The following SLCO4A1 variants were observed in gnomAD, a reference collection of about 807,000 sequenced individuals.
SLCO4A1 encodes the protein colon organic anion transporter.
In SLCO4A1, 51 loss-of-function variants were observed where a neutral mutation model predicts 64.6. The ratio of observed to expected loss-of-function variants is 0.79; its 90% CI spans 0.63 to 1.00. The LOEUF is 1.00. SLCO4A1 is among the 50% of genes least tolerant of loss of function. The pLI, the probability that SLCO4A1 is intolerant of heterozygous loss-of-function variation, is 0.00. For synonymous variants in SLCO4A1, 471 were observed against 444.9 expected (o/e 1.06, Z -0.74); for missense variants, 919 against 980.5 (o/e 0.94, Z 0.84).
rs6090186 is a variant in SLCO4A1 at position 62,667,504 on chromosome 20, G to A, written c.1473-241G>A. 12 of 536,618 alleles carry A rather than the reference G, an allele frequency of 2.2e-5. No individual in the cohort carries two copies. In the East Asian group the frequency reaches 3.2e-4, roughly 14 times the overall value. The allele number at this position is 536,618 out of a possible 1,614,324, so 33.2% of individuals were successfully genotyped here. ...AACTAGGGAAAGGGGCTGTGCATCA[G>A]GCGGACGGTGCTGGGGGGCATGGGT... On this transcript the variant is annotated intron_variant, in intron 7 of 11. Transcript: ENST00000217159.
At chr20:62,667,583 C>T in intron 7 of SLCO4A1, 162 bp from the exon 8 acceptor site, 2 of 758,578 alleles carry the variant, frequency 2.6e-6, no homozygotes, top group East Asian at 2.6e-5. Context: ...AGGCAGTGCC[C>T]AGTGTGAGTG....
rs1390086575 is a variant in SLCO4A1, at chr20:62,668,197, C to T, written c.1811+13C>T. Reference sequence around the variant, plus strand: ...CGGCAACTCTACGGTAAGCTGGGGTCGGGTGTGCGCTTGTCCAGAGCTTTC... The same window carrying T: ...CGGCAACTCTACGGTAAGCTGGGGTTGGGTGTGCGCTTGTCCAGAGCTTTC... On this transcript the variant is annotated intron_variant, in intron 9 of 11. Coordinates refer to ENST00000217159, the MANE Select transcript of SLCO4A1 (RefSeq NM_016354.4). 1.1e-5 allele frequency: 18 copies of T among 1,613,312 alleles called. No individual in the cohort carries two copies. Among genetic ancestry groups the T allele is most frequent in the African/African-American group, 9.3e-5 (7 of 74,920 alleles).
At chr20:62,660,073 A>T (rs1271631296) in intron 3 of SLCO4A1, among the ~76,000 whole-genome samples, 1 of 149,694 alleles carries the variant, frequency 6.7e-6, no homozygotes, top group African/African-American at 2.6e-5. Flanking sequence ...GTGGGGAGGG[A>T]TGCCTCCTCC....
chr20:62,657,382 C>T (rs1983945454), intron 2 of SLCO4A1, 132 bp downstream of exon 2: 2 of 894,234 alleles, frequency 2.2e-6, no homozygotes, highest in South Asian at 3.6e-5. Flanking sequence ...CCTGGGGCTG[C>T]TGCAAGAGTT....
intron 9 of SLCO4A1, 47 bp downstream of exon 9, chr20:62,668,231 A>G (rs1569145949): frequency 1.9e-6 from 3 of 1,601,184 alleles, no homozygotes; most frequent in African/African-American, 1.3e-5. Flanking sequence ...TCCTTGCAGC[A>G]CCCTGAGGCG....
downstream of SLCO4A1, chr20:62,672,397 GA>G: frequency 1.7e-6 from 1 of 583,862 alleles, no homozygotes; most frequent in Non-Finnish European, 2.2e-6. Context: ...CCGTGGATAT[GA>G]AAAGTTGGCC....
downstream of SLCO4A1, among the ~76,000 whole-genome samples, chr20:62,676,249 T>A (rs1987587317): frequency 6.6e-6 from 1 of 151,690 alleles, no homozygotes; most frequent in African/African-American, 2.4e-5. Context: ...ACCCTGTCTC[T>A]GTAAAAAAAA....
chr20:62,642,811 G>A (rs557753973), intron 1 of SLCO4A1, among the ~76,000 whole-genome samples: 1 of 152,314 alleles, frequency 6.6e-6, no homozygotes, highest in East Asian at 1.9e-4. Context: ...CCCGCAGGAG[G>A]ACCGAGGCGA....
Position 62,685,184 on chromosome 20 carries a change from G to T in SLCO4A1, n.212-257G>T, listed in dbSNP as rs1341274742. Among the ~76,000 whole-genome samples the T allele has an allele frequency of 6.6e-6, 1 of 150,838 alleles. No homozygotes were observed. The highest frequency in any genetic ancestry group is 6.6e-5 in the Admixed American group (1 of 15,164). Reference sequence around the variant, plus strand: ...GGAGGGGGGTGGTGGGGAGGCACGGGCAGGCCTTGGGTGCAGTGAAGCAGG... The same window carrying T: ...GGAGGGGGGTGGTGGGGAGGCACGGTCAGGCCTTGGGTGCAGTGAAGCAGG... On this transcript the variant is annotated intron_variant and non_coding_transcript_variant, in intron 2 of 2. Transcript: ENST00000466818. This position sits in a 1 kb window ranked among gnomAD's most constrained non-coding sequence, Gnocchi z 4.6.
chr20:62,667,048 G>C (rs906169094), intron 7 of SLCO4A1, among the ~76,000 whole-genome samples: 3 of 152,222 alleles, frequency 2.0e-5, no homozygotes, highest in Non-Finnish European at 4.4e-5. Flanking sequence ...TGCGGGCCCC[G>C]GGAGTGCACC....
downstream of SLCO4A1, among the ~76,000 whole-genome samples, chr20:62,672,976 C>T (rs563045217): frequency 2.3e-4 from 24 of 104,958 alleles, 5 homozygotes; most frequent in African/African-American, 5.4e-4. Flanking sequence ...TCTGCAGCGC[C>T]TGCCAGGAGT....
chr20:62,682,387 G>A (rs1010861467), intron 2 of SLCO4A1, among the ~76,000 whole-genome samples: 4 of 152,196 alleles, frequency 2.6e-5, no homozygotes, highest in Admixed American at 1.3e-4. Flanking sequence ...AATTGCCGGG[G>A]CCACAGAGTC....
rs957346933 is a variant in SLCO4A1 at position 62,661,441 on chromosome 20, C to T, written c.1121+266C>T. On this transcript the variant is annotated intron_variant, in intron 5 of 11. Transcript: ENST00000217159. This position sits in a 1 kb window ranked among gnomAD's most constrained non-coding sequence, Gnocchi z 5.2. ...GCACCCAGGGAGCCATCACTTCACT[C>T]ATACAGTGTGGAGACTCCTGTGGGC... 7.6e-4 allele frequency among the ~76,000 whole-genome samples: 116 copies of T among 152,216 alleles called. No individual in the cohort carries two copies. The highest frequency in any genetic ancestry group is 2.6e-3 in the African/African-American group (110 of 41,530).
At chr20:62,681,416 A>T (rs774452909) in intron 2 of SLCO4A1, among the ~76,000 whole-genome samples, 1 of 151,528 alleles carries the variant, frequency 6.6e-6, no homozygotes, top group Non-Finnish European at 1.5e-5. Flanking sequence ...GTGCGTGTTT[A>T]TTAAGCCTTG....
chr20:62,665,930 ACTCAGGCTTCGAC>A (rs1986148486), intron 6 of SLCO4A1: 2 of 159,504 alleles, frequency 1.3e-5, no homozygotes, highest in Non-Finnish European at 2.8e-5. Context: ...GTTGGTGGCC[ACTCAGGCTTCGAC>A]AAATGTCCTT....
intron 9 of SLCO4A1, 142 bp downstream of exon 9, chr20:62,668,326 C>A: frequency 8.1e-7 from 1 of 1,232,412 alleles, no homozygotes; most frequent in Non-Finnish European, 1.2e-6. Context: ...CAGGAGAGAC[C>A]TCACTGTCTC....
rs1407639937 is a variant in SLCO4A1 at position 62,642,539 on chromosome 20, C to T, written c.-111C>T. ...CGCTGCGCGGCGCGGCGGCCGGGCC[C>T]TCGAGACGGGGACGGTGAGTGCGCG... On this transcript the variant is annotated 5_prime_UTR_variant, in exon 1 of 12. Coordinates refer to ENST00000217159, the MANE Select transcript of SLCO4A1 (RefSeq NM_016354.4). The T allele has an allele frequency of 9.9e-6, 2 of 203,018 alleles. No individual in the cohort carries two copies. Among genetic ancestry groups the T allele is most frequent in the Non-Finnish European group, 1.0e-5 (1 of 98,844 alleles). 12.6% of individuals were successfully genotyped at this position (203,018 alleles called of 1,614,324 possible). A position where few individuals can be genotyped will look rare whatever the true frequency, so the allele number is the denominator to read the frequency against.
In SLCO4A1 at chr20:62,661,230, C is replaced by T. The variant is rs958821342; in HGVS notation, c.1121+55C>T. The T allele has an allele frequency of 3.1e-6, 4 of 1,281,922 alleles. No individual in the cohort carries two copies. In the African/African-American group the frequency reaches 4.4e-5, roughly 14 times the overall value. The allele number at this position is 1,281,922 out of a possible 1,614,324, so 79.4% of individuals were successfully genotyped here. A position where few individuals can be genotyped will look rare whatever the true frequency, so the allele number is the denominator to read the frequency against. On this transcript the variant is annotated intron_variant, in intron 5 of 11. Transcript: ENST00000217159. This position sits in a 1 kb window ranked among gnomAD's most constrained non-coding sequence, Gnocchi z 5.2. ...TGTCCTCAGACCCTTTAATGGTCCC[C>T]ATCTTGGGGGAGTCGTTGAGACCCC...
Position 62,666,469 on chromosome 20 carries a change from A to G in SLCO4A1, c.1366A>G (p.Lys456Glu). 1 of 1,613,356 alleles carries G rather than the reference A, an allele frequency of 6.2e-7. No individual in the cohort carries two copies. ...KLRLRGSAVIKFCLFCTVVSL... is the reference protein window; with the variant it reads ...KLRLRGSAVIEFCLFCTVVSL... ...CAGGCTCCGGGGCTCCGCGGTCATC[A>G]AGTTCTGCCTGTTCTGCACCGTTGT... Residue 456 changes from lysine (K) to glutamate (E), a missense_variant, in exon 7 of 12, where the codon AAG becomes GAG. Physicochemically the swap from Lys to Glu is moderately conservative, Grantham distance 56. Transcript: ENST00000217159.
Sources: gnomAD v4.1 joint callset for allele counts (sites outside exome capture counted in the v4.1 genomes callset) on GRCh38, gnomAD v4.1.1 for gene constraint, Gnocchi (gnomAD v3.1) non-coding constraint, MANE v1.5 for transcripts, NCBI Gene and HGNC (gene_info 2026-07-23, HGNC 2026-07-21) for gene names.